The following ANK2 variants were observed in gnomAD, a reference collection of about 807,000 sequenced individuals.
The protein encoded by ANK2 is ankyrin-2.
Under a neutral mutation model 360.5 loss-of-function variants are expected in ANK2, and 83 were observed. The ratio of observed to expected loss-of-function variants is 0.23; its 90% confidence interval spans 0.19 to 0.28. The LOEUF (loss-of-function observed/expected upper bound fraction) is 0.28, where lower values mean the gene tolerates loss of function less well. Ranked by LOEUF, ANK2 falls within the 10% of genes least tolerant of loss-of-function variation. ANK2 has a pLI of 1.00. For synonymous variants in ANK2, 1,740 were observed against 1,759.5 expected (o/e 0.99, Z 0.28); for missense variants, 4,201 against 4,795.7 (o/e 0.88, Z 3.66).
At chr4:112,886,478 C>A (rs895040971) in intron 1 of ANK2, among the ~76,000 whole-genome samples, 3 of 151,978 alleles carry the variant, frequency 2.0e-5, no homozygotes, top group African/African-American at 7.3e-5. Flanking sequence ...GCCTGACCAA[C>A]ATGGTGAAAC....
chr4:113,006,960 G>A (rs1378582458), intron 2 of ANK2, among the ~76,000 whole-genome samples: 1 of 152,120 alleles, frequency 6.6e-6, no homozygotes, highest in Non-Finnish European at 1.5e-5. Context: ...AGAAAAATTA[G>A]AACAAGGAAA....
At chr4:112,874,642 C>CA (rs1160396405) in intron 1 of ANK2, among the ~76,000 whole-genome samples, 2,995 of 79,114 alleles carry the variant, frequency 0.038, 95 homozygotes, top group South Asian at 0.058. Context: ...GACGCCATCT[C>CA]AAAAAAAAAA....
chr4:113,266,711 C>G (rs1406343286), intron 14 of ANK2, among the ~76,000 whole-genome samples: 1 of 152,182 alleles, frequency 6.6e-6, no homozygotes, highest in Non-Finnish European at 1.5e-5. Context: ...AACCCTGTCT[C>G]TACTGAAAAT....
chr4:113,290,554 G>T (rs1055394745), intron 20 of ANK2, among the ~76,000 whole-genome samples: 1 of 152,082 alleles, frequency 6.6e-6, no homozygotes, highest in African/African-American at 2.4e-5. Flanking sequence ...TATTTAATTT[G>T]TGAAGAGGGT....
At chr4:113,345,107 AT>A (rs1206981779) in intron 34 of ANK2, among the ~76,000 whole-genome samples, 2 of 152,180 alleles carry the variant, frequency 1.3e-5, no homozygotes, top group Non-Finnish European at 2.9e-5. Flanking sequence ...ATTTATCACA[AT>A]TTTTTAAAAA....
intron 1 of ANK2, among the ~76,000 whole-genome samples, chr4:113,154,185 C>A (rs559336389): frequency 6.0e-4 from 92 of 152,334 alleles, no homozygotes; most frequent in Admixed American, 2.4e-3. Context: ...AAGAAAATAT[C>A]TGTGCTGTAT....
At chr4:112,765,659 CTTT>C in the ANK2 span, among the ~76,000 whole-genome samples, 1 of 134,282 alleles carries the variant, frequency 7.4e-6, no homozygotes, top group Admixed American at 7.7e-5. Flanking sequence ...CCCTCCCCCG[CTTT>C]TTTTTTTTTT....
chr4:112,754,111 GTATATATA>G, the ANK2 span, among the ~76,000 whole-genome samples: 16,269 of 111,280 alleles, frequency 0.15, 1,604 homozygotes, highest in East Asian at 0.41. Flanking sequence ...AAAAAAAAAA[GTATATATA>G]TATATATATA....
chr4:113,051,697 G>A lies in ANK2; in HGVS notation c.84+1885G>A, dbSNP rs1441625431. 2.0e-5 allele frequency among the ~76,000 whole-genome samples: 3 copies of A among 152,228 alleles called. No homozygotes were observed. The East Asian group carries it at 5.8e-4, about 29-fold the overall frequency. On this transcript the variant is annotated intron_variant, in intron 1 of 45. Coordinates refer to ENST00000357077, the MANE Select transcript of ANK2 (RefSeq NM_001148.6). ...ATCCCTCAGCTTGCCTAGTCAGTCA[G>A]ACATAAGTGGGTCTGAATCTCAGTT...
chr4:113,035,960 T>C (rs2061500206), intron 2 of ANK2, among the ~76,000 whole-genome samples: 1 of 151,942 alleles, frequency 6.6e-6, no homozygotes, highest in Non-Finnish European at 1.5e-5. Flanking sequence ...CTGCCAAAAC[T>C]GTTTTTCAGG....
Position 113,381,667 on chromosome 4 carries a change from A to G in ANK2, c.*196A>G. On this transcript the variant is annotated 3_prime_UTR_variant, in exon 46 of 46. Coordinates refer to ENST00000357077, the MANE Select transcript of ANK2 (RefSeq NM_001148.6). ...GGGCTGCCCAGTTCTCACACCAGAAACCACACATTCACTCAATATGCAGCT... is the reference window on the plus strand; with the variant it reads ...GGGCTGCCCAGTTCTCACACCAGAAGCCACACATTCACTCAATATGCAGCT... The G allele has an allele frequency of 1.9e-6, 3 of 1,539,406 alleles. No individual in the cohort carries two copies. The highest frequency in any genetic ancestry group is 2.6e-6 in the Non-Finnish European group (3 of 1,145,826).
At chr4:112,754,402 A>G in the ANK2 span, among the ~76,000 whole-genome samples, 2 of 151,238 alleles carry the variant, frequency 1.3e-5, no homozygotes, top group South Asian at 2.1e-4. Context: ...CTAACATCCT[A>G]TGGTTGATCT....
intron 2 of ANK2, among the ~76,000 whole-genome samples, chr4:113,017,220 A>G (rs2056871393): frequency 1.3e-5 from 2 of 152,144 alleles, no homozygotes; most frequent in Admixed American, 6.6e-5. Context: ...AAATTATTTT[A>G]TATTCCTTGA....
At chr4:113,188,466 CT>C (rs2098587729) in intron 2 of ANK2, among the ~76,000 whole-genome samples, 1 of 152,098 alleles carries the variant, frequency 6.6e-6, no homozygotes, top group African/African-American at 2.4e-5. Flanking sequence ...GGGGAAACTT[CT>C]TTTGGTCCCC....
chr4:113,068,458 A>G (rs929785974), intron 1 of ANK2, among the ~76,000 whole-genome samples: 1 of 152,184 alleles, frequency 6.6e-6, no homozygotes, highest in Non-Finnish European at 1.5e-5. Flanking sequence ...AAACTTTGGA[A>G]AATTTCAACT....
At chr4:113,054,863 C>G (rs1214628199) in intron 1 of ANK2, among the ~76,000 whole-genome samples, 2 of 152,124 alleles carry the variant, frequency 1.3e-5, no homozygotes, top group South Asian at 4.1e-4. Context: ...TCTATTTACT[C>G]ACTTTTATGA....
chr4:113,217,351 G>A (rs2099096423), intron 4 of ANK2, among the ~76,000 whole-genome samples: 1 of 152,108 alleles, frequency 6.6e-6, no homozygotes, highest in African/African-American at 2.4e-5. Flanking sequence ...GTTCGGGGTT[G>A]CACTTATAGC....
At chr4:113,327,234 T>C (rs1317849553) in intron 26 of ANK2, among the ~76,000 whole-genome samples, 1 of 152,192 alleles carries the variant, frequency 6.6e-6, no homozygotes, top group African/African-American at 2.4e-5. Context: ...ATTAAAATGG[T>C]TTATTTTGTT....
At chr4:112,997,190 G>A (rs1331097994) in intron 2 of ANK2, among the ~76,000 whole-genome samples, 1 of 152,064 alleles carries the variant, frequency 6.6e-6, no homozygotes, top group Non-Finnish European at 1.5e-5. Context: ...TGTATGCACT[G>A]TGGAATGGCT....
Sources: allele counts gnomAD v4.1 joint callset (sites outside exome capture counted in the v4.1 genomes callset), GRCh38; gene constraint gnomAD v4.1.1; transcripts MANE v1.5; gene names NCBI Gene and HGNC (gene_info 2026-07-23, HGNC 2026-07-21).